The following NBPF11 variants were observed in gnomAD, a reference collection of about 807,000 sequenced individuals.
NBPF11 encodes the protein NBPF member 11.
Under a neutral mutation model 93.9 loss-of-function variants are expected in NBPF11, and 72 were observed. The ratio of observed to expected loss-of-function variants is 0.77; its 90% CI spans 0.63 to 0.93. The LOEUF (loss-of-function observed/expected upper bound fraction) is 0.93. Ranked by LOEUF, NBPF11 falls within the 40% of genes least tolerant of loss-of-function variation. The pLI, the probability that NBPF11 is intolerant of heterozygous loss-of-function variation, is 0.00. For missense variants in NBPF11, 705 were observed against 802.2 expected, an observed-to-expected ratio of 0.88 and a Z score of 1.46; for synonymous variants, 224 against 304.9, an observed-to-expected ratio of 0.73 and a Z score of 2.76.
chr1:148,115,601 G>A (rs1376173674), intron 14 of NBPF11, among the ~76,000 whole-genome samples, 192 bp downstream of exon 14: 1 of 151,832 alleles, frequency 6.6e-6, no homozygotes, highest in African/African-American at 2.4e-5. Context: ...CTGGGGTCGA[G>A]TAACTTGATA....
At chr1:148,126,242 G>A (rs1669079895) in intron 5 of NBPF11, among the ~76,000 whole-genome samples, 1 of 151,896 alleles carries the variant, frequency 6.6e-6, no homozygotes, top group East Asian at 1.9e-4. Context: ...CTCGTCCTCT[G>A]CCCGCCTCAG....
At chr1:148,108,192 A>G (rs1176551046) in intron 18 of NBPF11, among the ~76,000 whole-genome samples, 831 of 151,092 alleles carry the variant, frequency 5.5e-3, no homozygotes, top group African/African-American at 0.019. Context: ...CAGAATTGAG[A>G]CAAAATCAGA....
chr1:148,149,443 C>G (rs1279056167), intron 1 of NBPF11: 1 of 1,585,512 alleles, frequency 6.3e-7, no homozygotes, highest in African/African-American at 1.4e-5. Flanking sequence ...ACGAGCGCTG[C>G]CCCAAGGCGG....
At chr1:148,120,359 C>G in intron 10 of NBPF11, 142 bp downstream of exon 10, 1 of 573,912 alleles carries the variant, frequency 1.7e-6, no homozygotes, top group Non-Finnish European at 3.3e-6. Context: ...CCAACTTTAA[C>G]AAAATGTTAA....
chr1:148,145,180 G>A (rs1333017533), intron 1 of NBPF11, among the ~76,000 whole-genome samples: 2 of 143,928 alleles, frequency 1.4e-5, no homozygotes, highest in African/African-American at 5.3e-5. Context: ...CTTAGGCTAG[G>A]CATTGATTTC....
intron 14 of NBPF11, among the ~76,000 whole-genome samples, chr1:148,115,383 G>C (rs1235635077): frequency 4.0e-5 from 6 of 149,862 alleles, no homozygotes; most frequent in Non-Finnish European, 7.4e-5. Context: ...TGAAAGCTGA[G>C]AGCAGTGAAA....
Position 148,104,532 on chromosome 1 carries a change from G to A in NBPF11, c.2581+5C>T. 8.3e-6 allele frequency: 5 copies of A among 601,920 alleles called. No homozygotes were observed. The highest frequency in any genetic ancestry group is 1.5e-5 in the Non-Finnish European group (5 of 343,890). 37.3% of individuals were successfully genotyped at this position (601,920 alleles called of 1,614,324 possible). ...AATTAAGCATCCACAATTGCTGAAA[G>A]TTACCTGGGGCATGGTGGGTTTTGA... On this transcript the variant is annotated splice_donor_5th_base_variant and intron_variant, in intron 23 of 23. Transcript: ENST00000682118.
chr1:148,119,483 C>T (rs11239908), intron 10 of NBPF11, among the ~76,000 whole-genome samples: 3 of 149,808 alleles, frequency 2.0e-5, no homozygotes, highest in African/African-American at 7.6e-5. Flanking sequence ...AAGACAAGCA[C>T]CTTGGATGGA....
At chr1:148,134,346 G>T (rs1332437731) in intron 4 of NBPF11, among the ~76,000 whole-genome samples, 2 of 151,184 alleles carry the variant, frequency 1.3e-5, no homozygotes, top group East Asian at 1.9e-4. Flanking sequence ...AAGAAATACG[G>T]ACCTCACCTT....
intron 10 of NBPF11, among the ~76,000 whole-genome samples, chr1:148,118,937 A>G (rs1201840167): frequency 7.5e-6 from 1 of 133,376 alleles, no homozygotes; most frequent in Non-Finnish European, 1.6e-5. Flanking sequence ...ACTCAAGGGC[A>G]CATCAAGGAA....
chr1:148,104,120 GAC>G (rs1662963139), intron 23 of NBPF11, among the ~76,000 whole-genome samples: 4 of 127,640 alleles, frequency 3.1e-5, no homozygotes, highest in African/African-American at 8.8e-5. Flanking sequence ...GAGAGACAGA[GAC>G]AGAGACAGAG....
chr1:148,103,583 A>T lies in NBPF11; in HGVS notation c.*313T>A. 2 of 1,606,516 alleles carry T rather than the reference A, an allele frequency of 1.2e-6. No homozygotes were observed. Among genetic ancestry groups the T allele is most frequent in the Non-Finnish European group, 1.7e-6 (2 of 1,176,000 alleles). On this transcript the variant is annotated 3_prime_UTR_variant, in exon 24 of 24. Coordinates refer to ENST00000682118, the MANE Select transcript of NBPF11 (RefSeq NM_001385469.3). ...TGACCCATCCTATGTCTGGGCTTCC[A>T]AATGGAACTATAGTTTCATTCAAAT...
At chr1:148,121,002 CA>C (rs1160027958) in intron 9 of NBPF11, among the ~76,000 whole-genome samples, 2 of 152,022 alleles carry the variant, frequency 1.3e-5, no homozygotes, top group Admixed American at 6.5e-5. Flanking sequence ...TTCTGTGTAG[CA>C]CAAAAGATTT....
intron 1 of NBPF11, among the ~76,000 whole-genome samples, chr1:148,143,887 T>A (rs1672576372): frequency 6.8e-6 from 1 of 147,724 alleles, no homozygotes; most frequent in Non-Finnish European, 1.5e-5. Flanking sequence ...TAAGACCCCA[T>A]CTCTGAAAAT....
intron 22 of NBPF11, 125 bp downstream of exon 22, chr1:148,105,235 G>T: frequency 1.6e-6 from 1 of 610,864 alleles, no homozygotes; most frequent in Non-Finnish European, 2.9e-6. Context: ...CAACCTACAT[G>T]TGCCTATAGG....
Sources: gnomAD v4.1 joint callset for allele counts (sites outside exome capture counted in the v4.1 genomes callset) on GRCh38, gnomAD v4.1.1 for gene constraint, MANE v1.5 for transcripts, NCBI Gene and HGNC (gene_info 2026-07-23, HGNC 2026-07-21) for gene names.